The following HMCN2 variants were observed in gnomAD, a reference collection of about 807,000 sequenced individuals.
HMCN2 encodes hemicentin 2.
A neutral mutation model predicts 377.5 loss-of-function variants in HMCN2; 325 were observed. The ratio of observed to expected loss-of-function variants is 0.86; its 90% CI spans 0.79 to 0.94. The LOEUF is 0.94. Among genes scored for constraint, HMCN2 ranks in the 40% least tolerant of loss-of-function variants. HMCN2 has a pLI of 0.00. For missense variants in HMCN2, 4,543 were observed against 4,725.3 expected, an observed-to-expected ratio of 0.96 and a Z score of 1.13; for synonymous variants, 2,007 against 2,046.8, an observed-to-expected ratio of 0.98 and a Z score of 0.53.
chr9:130,286,652 C>T (rs1278208712), intron 4 of HMCN2, among the ~76,000 whole-genome samples: 8 of 152,212 alleles, frequency 5.3e-5, no homozygotes, highest in Non-Finnish European at 8.8e-5. Flanking sequence ...ACAAGGTGGC[C>T]CCAGAGACTG....
rs532177243 is a variant in HMCN2 at position 130,304,300 on chromosome 9, TG to T, written c.1544-425del. Among the ~76,000 whole-genome samples the T allele has an allele frequency of 6.5e-4, 99 of 152,314 alleles. No individual in the cohort carries two copies. The highest frequency in any genetic ancestry group is 2.3e-3 in the African/African-American group (97 of 41,578). On this transcript the variant is annotated intron_variant, in intron 10 of 97. Coordinates refer to ENST00000683500, the MANE Select transcript of HMCN2 (RefSeq NM_001291815.2). The surrounding 1 kb of genome is among the most constrained non-coding windows in gnomAD (Gnocchi z 4.3). ...GCAGTTTGCTTAGCGCTTTCCTCCT[TG>T]GGGGCATATTTGGCTGCTATAAATA...
intron 25 of HMCN2, among the ~76,000 whole-genome samples, chr9:130,342,862 C>T (rs1463873972): frequency 2.0e-5 from 3 of 152,122 alleles, no homozygotes; most frequent in Admixed American, 6.5e-5. Flanking sequence ...TGGTTCTGGC[C>T]AAAGCAGCTT....
rs572981322 is a variant in HMCN2 at position 130,289,279 on chromosome 9, G to A, written c.612+2969G>A. Among the ~76,000 whole-genome samples, 20 of 152,294 alleles carry A rather than the reference G, an allele frequency of 1.3e-4. No individual in the cohort carries two copies. In the East Asian group the frequency reaches 2.3e-3, roughly 18 times the overall value. On this transcript the variant is annotated intron_variant, in intron 4 of 97. Transcript: ENST00000683500. Reference sequence around the variant, plus strand: ...AGCAGGCACAAAGGGTGAATTGCCTGTGTTCTGTGCATCTGCTAGGAGAAA... The same window carrying A: ...AGCAGGCACAAAGGGTGAATTGCCTATGTTCTGTGCATCTGCTAGGAGAAA...
chr9:130,282,233 C>A (rs187322872), intron 1 of HMCN2, among the ~76,000 whole-genome samples: 1 of 151,932 alleles, frequency 6.6e-6, no homozygotes. Flanking sequence ...ATTTGCTGAG[C>A]CTTTGCTCCA....
At position 130,422,566 on chromosome 9, in the gene HMCN2, C is replaced by T; in HGVS notation, c.13232-11C>T. ...AGTCAGTGGCACTGTCATTCTTTCC[C>T]TTCCTTACAGGGGAGCCCCAGGGGA... On this transcript the variant is annotated splice_polypyrimidine_tract_variant and intron_variant, in intron 86 of 97. Transcript: ENST00000683500. This position sits in a 1 kb window ranked among gnomAD's most constrained non-coding sequence, Gnocchi z 4.2. 7.6e-7 allele frequency: 1 copy of T among 1,316,594 alleles called. No individual in the cohort carries two copies. Among genetic ancestry groups the T allele is most frequent in the Non-Finnish European group, 9.7e-7 (1 of 1,026,272 alleles). 81.6% of individuals were successfully genotyped at this position (1,316,594 alleles called of 1,614,324 possible). A position where few individuals can be genotyped will look rare whatever the true frequency, so the allele number is the denominator to read the frequency against.
At position 130,382,257 on chromosome 9, in the gene HMCN2, G is replaced by C. The variant is rs1296575160; in HGVS notation, c.8505G>C (p.Glu2835Asp). The C allele has an allele frequency of 1.0e-6, 1 of 985,744 alleles. No homozygotes were observed. Among genetic ancestry groups the C allele is most frequent in the African/African-American group, 1.7e-5 (1 of 57,234 alleles). 61.1% of individuals were successfully genotyped at this position (985,744 alleles called of 1,614,324 possible). A position where few individuals can be genotyped will look rare whatever the true frequency, so the allele number is the denominator to read the frequency against. Residue 2835 changes from glutamate to aspartate, a missense_variant, in exon 55 of 98, where the codon GAG (glutamate) becomes GAC (aspartate). By Grantham distance (45) the Glu-to-Asp change is conservative (BLOSUM62 2). Coordinates refer to ENST00000683500, the MANE Select transcript of HMCN2 (RefSeq NM_001291815.2). ...AGRYSCKASNEVGEDWLHYEL... is the reference protein window; with the variant it reads ...AGRYSCKASNDVGEDWLHYEL... ...GGTACTCGTGCAAGGCCTCCAACGA[G>C]GTGGGCGAGGACTGGCTGCACTACG... is the stretch of plus-strand genomic sequence containing the variant.
rs1356203601 is a variant in HMCN2 at position 130,382,261 on chromosome 9, G to A, written c.8509G>A (p.Gly2837Ser). The change falls in exon 55 of 98, where the codon GGC (glycine) becomes AGC (serine). Residue 2837 changes from glycine to serine, a missense_variant. Gly to Ser is a moderately conservative substitution (Grantham distance 56, BLOSUM62 0). Coordinates refer to ENST00000683500, the MANE Select transcript of HMCN2 (RefSeq NM_001291815.2). ...RYSCKASNEV[G>S]EDWLHYELLV... ...CTCGTGCAAGGCCTCCAACGAGGTG[G>A]GCGAGGACTGGCTGCACTACGAGCT... 9.1e-6 allele frequency: 9 copies of A among 985,752 alleles called. No individual in the cohort carries two copies. The highest frequency in any genetic ancestry group is 1.1e-5 in the Non-Finnish European group (9 of 829,960). 61.1% of individuals were successfully genotyped at this position (985,752 alleles called of 1,614,324 possible). A position where few individuals can be genotyped will look rare whatever the true frequency, so the allele number is the denominator to read the frequency against.
At chr9:130,430,903 C>T (rs1844703892) in intron 95 of HMCN2, 4 of 461,906 alleles carry the variant, frequency 8.7e-6, no homozygotes, top group Middle Eastern at 5.6e-4. Context: ...CTTTGAGAAA[C>T]ACTCCTCTTA....
intron 87 of HMCN2, among the ~76,000 whole-genome samples, chr9:130,424,157 A>G (rs1844179832): frequency 7.9e-6 from 1 of 125,910 alleles, no homozygotes; most frequent in South Asian, 2.4e-4. Flanking sequence ...ATGTCCATAT[A>G]TATATATATA....
At chr9:130,374,811 G>T in intron 49 of HMCN2, 118 bp downstream of exon 49, 2 of 384,296 alleles carry the variant, frequency 5.2e-6, no homozygotes, top group Non-Finnish European at 7.1e-6. Flanking sequence ...CTAATTCTCC[G>T]AGTTTGACAA....
rs1564867013 is a variant in HMCN2 at position 130,408,777 on chromosome 9, C to T, written c.12723C>T (p.Tyr4241=). 5 of 1,289,454 alleles carry T rather than the reference C, an allele frequency of 3.9e-6. No individual in the cohort carries two copies. Among genetic ancestry groups the T allele is most frequent in the East Asian group, 5.6e-5 (1 of 18,004 alleles). 79.9% of individuals were successfully genotyped at this position (1,289,454 alleles called of 1,614,324 possible). ...TCCTACAAGGGGAGGCTTTCTCCTA[C>T]CTGGTGGAACCTGTAGGAGGCAGCA... ...APVLQGEAFS[Y]LVEPVGGSIQ... Residue 4241 remains tyrosine (Y), a synonymous_variant, in exon 84 of 98, where the codon TAC becomes TAT. Coordinates refer to ENST00000683500, the MANE Select transcript of HMCN2 (RefSeq NM_001291815.2).
intron 4 of HMCN2, among the ~76,000 whole-genome samples, chr9:130,292,543 C>A (rs181014740): frequency 6.6e-6 from 1 of 152,170 alleles, no homozygotes; most frequent in Non-Finnish European, 1.5e-5. Flanking sequence ...TCTTTCTCTT[C>A]GATTAAGGAG....
At chr9:130,412,309 A>G (rs1843466886) in intron 85 of HMCN2, among the ~76,000 whole-genome samples, 1 of 152,164 alleles carries the variant, frequency 6.6e-6, no homozygotes, top group African/African-American at 2.4e-5. Context: ...TTATTTTACT[A>G]GTGAGTTTCT....
At position 130,393,976 on chromosome 9, in the gene HMCN2, A is replaced by G. The variant is rs1588385109; in HGVS notation, c.10469A>G (p.Glu3490Gly). 2.7e-5 allele frequency: 34 copies of G among 1,277,220 alleles called. No individual in the cohort carries two copies. The highest frequency in any genetic ancestry group is 3.5e-5 in the Non-Finnish European group (34 of 983,518). 79.1% of individuals were successfully genotyped at this position (1,277,220 alleles called of 1,614,324 possible). A position where few individuals can be genotyped will look rare whatever the true frequency, so the allele number is the denominator to read the frequency against. ...TGTGTGGCCGTGAGCGAGGCGGGGG[A>G]AGCCAGGAGGCATTTCCAGCTGACC... The part of the protein sequence containing the change: ...YSCVAVSEAG[E>G]ARRHFQLTVM... The change falls in exon 68 of 98, where the codon GAA (glutamate) becomes GGA (glycine). Residue 3490 changes from glutamate to glycine, a missense_variant. Around this residue, in one of 5 missense-constraint regions of HMCN2, gnomAD observed 1,073 missense variants for 1,319.5 expected, o/e 0.81. Transcript: ENST00000683500. The surrounding 1 kb of genome is among the most constrained non-coding windows in gnomAD (Gnocchi z 5.2).
intron 22 of HMCN2, among the ~76,000 whole-genome samples, chr9:130,335,639 T>C (rs1564792289): frequency 1.3e-5 from 2 of 152,062 alleles, no homozygotes; most frequent in Non-Finnish European, 2.9e-5. Flanking sequence ...ATATACTATG[T>C]CCTGGGCACC....
At chr9:130,332,215 C>T (rs1838465174) in intron 22 of HMCN2, among the ~76,000 whole-genome samples, 1 of 152,204 alleles carries the variant, frequency 6.6e-6, no homozygotes, top group Non-Finnish European at 1.5e-5. Flanking sequence ...TCTGGTCAGC[C>T]TGTGGGCAGT....
At chr9:130,334,035 A>C (rs1838575909) in intron 22 of HMCN2, among the ~76,000 whole-genome samples, 3 of 152,176 alleles carry the variant, frequency 2.0e-5, no homozygotes, top group Admixed American at 1.3e-4. Context: ...TGGACCTACC[A>C]GCCTGGGGCA....
chr9:130,298,927 G>A lies in HMCN2; in HGVS notation c.1013-98G>A, dbSNP rs572469693. 4.0e-4 allele frequency: 153 copies of A among 381,930 alleles called. 2 individuals carry two copies. The highest frequency in any genetic ancestry group is 3.0e-3 in the South Asian group (152 of 50,958). 23.7% of individuals were successfully genotyped at this position (381,930 alleles called of 1,614,324 possible). On this transcript the variant is annotated intron_variant, in intron 7 of 97. Coordinates refer to ENST00000683500, the MANE Select transcript of HMCN2 (RefSeq NM_001291815.2). ...GGACCAGGTAGGAAGGGCCAGGCAA[G>A]CAGGACCCCTGGGGTGTGGTTCGAG...
Position 130,362,152 on chromosome 9 carries a change from C to A in HMCN2, c.6095C>A (p.Thr2032Asn). 1.0e-6 allele frequency: 1 copy of A among 985,910 alleles called. No individual in the cohort carries two copies. Among genetic ancestry groups the A allele is most frequent in the Middle Eastern group, 5.2e-4 (1 of 1,914 alleles). The allele number at this position is 985,910 out of a possible 1,614,324, so 61.1% of individuals were successfully genotyped here. A position where few individuals can be genotyped will look rare whatever the true frequency, so the allele number is the denominator to read the frequency against. The change falls in exon 39 of 98, where the codon ACC becomes AAC. Residue 2032 changes from threonine (T) to asparagine (N), a missense_variant. Physicochemically the swap from Thr to Asn is moderately conservative, Grantham distance 65. This residue lies in a region of HMCN2 where 1,032 missense variants were observed against 1,285.1 expected (regional missense o/e 0.80). Transcript: ENST00000683500. ...KDGNPVSPAG[T>N]PGLQVFPGGR... The stretch of plus-strand genomic sequence containing the variant: ...GGAAACCCTGTGTCCCCTGCAGGGA[C>A]CCCTGGCCTGCAGGTCAGTAGGGCT...
Sources: allele counts gnomAD v4.1 joint callset (sites outside exome capture counted in the v4.1 genomes callset), GRCh38; gene constraint gnomAD v4.1.1; regional missense constraint gnomAD v4.1.1; non-coding constraint Gnocchi (gnomAD v3.1); transcripts MANE v1.5; gene names NCBI Gene and HGNC (gene_info 2026-07-23, HGNC 2026-07-21).